Variants in LIMCH1 observed in about 807,000 individuals in gnomAD.
The protein encoded by LIMCH1 is LIM and calponin homology domains-containing protein 1.
Under a neutral mutation model 176.5 loss-of-function variants are expected in LIMCH1, and 113 were observed. That is an observed-to-expected ratio of 0.64 (90% CI 0.55 to 0.75). The LOEUF is 0.75. LIMCH1 is among the 30% of genes least tolerant of loss of function. The probability of loss-of-function intolerance (pLI) is 0.00; values close to 1 mark genes in which losing one functional copy is unlikely to be tolerated. For missense variants in LIMCH1, 1,674 were observed against 1,814.9 expected (o/e 0.92, Z 1.41); for synonymous variants, 619 against 645.9 (o/e 0.96, Z 0.63).
chr4:41,460,478 A>ATATATATATATATATATATC (rs1410622782), intron 1 of LIMCH1, among the ~76,000 whole-genome samples: 10 of 145,072 alleles, frequency 6.9e-5, no homozygotes, highest in African/African-American at 2.3e-4. Context: ...ATATATATAT[A>ATATATATATATATATATATC]TCTTATAATA....
chr4:41,681,140 A>G, intron 25 of LIMCH1, 81 bp downstream of exon 25: 2 of 786,272 alleles, frequency 2.5e-6, no homozygotes, highest in Non-Finnish European at 4.3e-6. Context: ...AGGTTACCGA[A>G]CAGACTCACT....
chr4:41,462,802 C>T (rs2065563545), intron 1 of LIMCH1, among the ~76,000 whole-genome samples: 1 of 151,956 alleles, frequency 6.6e-6, no homozygotes, highest in Admixed American at 6.6e-5. Flanking sequence ...GGCTTTTTTT[C>T]CCCCAAAAGT....
chr4:41,519,328 T>A (rs1198445684), intron 2 of LIMCH1, among the ~76,000 whole-genome samples: 1 of 152,194 alleles, frequency 6.6e-6, no homozygotes, highest in East Asian at 1.9e-4. Flanking sequence ...ACGCAATAAA[T>A]GCTTGTTGAG....
intron 1 of LIMCH1, among the ~76,000 whole-genome samples, chr4:41,428,445 T>C (rs2061313666): frequency 6.6e-6 from 1 of 152,008 alleles, no homozygotes; most frequent in Non-Finnish European, 1.5e-5. Flanking sequence ...CAGAAGAGAT[T>C]AGTGTTAAGC....
At position 41,644,484 on chromosome 4, in the gene LIMCH1, C is replaced by T; in HGVS notation, c.2127-16C>T. The T allele has an allele frequency of 6.6e-7, 1 of 1,521,186 alleles. No homozygotes were observed. The highest frequency in any genetic ancestry group is 8.8e-7 in the Non-Finnish European group (1 of 1,130,510). 94.2% of individuals were successfully genotyped at this position (1,521,186 alleles called of 1,614,324 possible). On this transcript the variant is annotated splice_polypyrimidine_tract_variant and intron_variant, in intron 14 of 31. Coordinates refer to ENST00000503057, the MANE Select transcript of LIMCH1 (RefSeq NM_001330672.2). ...CTGATCGCGGTCCCTCTTGTGTTCG[C>T]TCTCTCCACACTCAGGAGCACCAGC...
In LIMCH1 at chr4:41,574,581, G is replaced by A. The variant is rs561182046; in HGVS notation, c.-240-24339G>A. On this transcript the variant is annotated intron_variant, in intron 1 of 31. Coordinates refer to ENST00000503057, the MANE Select transcript of LIMCH1 (RefSeq NM_001330672.2). ...TGGGACTACAGGCATGAGCCACTGT[G>A]CCCATCTCTTTTCATATTTTAGGAT... is the stretch of plus-strand genomic sequence containing the variant. Among the ~76,000 whole-genome samples the A allele has an allele frequency of 5.3e-5, 8 of 152,090 alleles. No individual in the cohort carries two copies. The South Asian group carries it at 1.5e-3, about 28-fold the overall frequency.
At chr4:41,362,739 A>G (rs915543710) in intron 1 of LIMCH1, among the ~76,000 whole-genome samples, 2 of 152,236 alleles carry the variant, frequency 1.3e-5, no homozygotes, top group African/African-American at 4.8e-5. Context: ...TCAAGATACA[A>G]AATGTCTCCT....
At chr4:41,383,127 A>T (rs753695625) in intron 1 of LIMCH1, among the ~76,000 whole-genome samples, 11 of 152,194 alleles carry the variant, frequency 7.2e-5, no homozygotes, top group Admixed American at 2.6e-4. Context: ...TCCATCTTAT[A>T]TTTGAACTAA....
At chr4:41,513,724 G>C in intron 2 of LIMCH1, among the ~76,000 whole-genome samples, 1 of 152,020 alleles carries the variant, frequency 6.6e-6, no homozygotes, top group East Asian at 1.9e-4. Flanking sequence ...TGATTAATGG[G>C]CCAGGCATGG....
At chr4:41,446,476 A>G (rs1343759887) in intron 1 of LIMCH1, among the ~76,000 whole-genome samples, 1 of 152,236 alleles carries the variant, frequency 6.6e-6, no homozygotes, top group Non-Finnish European at 1.5e-5. Flanking sequence ...TGTTCACAGG[A>G]CAGATGGGAA....
At chr4:41,611,082 A>G (rs2091358050) in intron 4 of LIMCH1, among the ~76,000 whole-genome samples, 2 of 152,210 alleles carry the variant, frequency 1.3e-5, no homozygotes, top group Non-Finnish European at 2.9e-5. Context: ...TCAAATCCTG[A>G]AAGCTTTTGG....
intron 1 of LIMCH1, among the ~76,000 whole-genome samples, chr4:41,392,722 A>G (rs978648802): frequency 6.6e-6 from 1 of 152,118 alleles, no homozygotes; most frequent in Non-Finnish European, 1.5e-5. Context: ...TGGAAGGCTA[A>G]ACTCTCCACA....
chr4:41,518,605 T>A (rs1423421448), intron 2 of LIMCH1, among the ~76,000 whole-genome samples: 1 of 152,204 alleles, frequency 6.6e-6, no homozygotes, highest in East Asian at 1.9e-4. Flanking sequence ...CTGAGATACA[T>A]GTGCAGAACG....
intron 2 of LIMCH1, among the ~76,000 whole-genome samples, chr4:41,602,958 G>A (rs1185228037): frequency 6.6e-6 from 1 of 151,964 alleles, no homozygotes; most frequent in Non-Finnish European, 1.5e-5. Flanking sequence ...CTTGTTGATG[G>A]GTTTATTTCC....
At chr4:41,440,375 T>C (rs2062573166) in intron 1 of LIMCH1, among the ~76,000 whole-genome samples, 1 of 152,158 alleles carries the variant, frequency 6.6e-6, no homozygotes, top group Non-Finnish European at 1.5e-5. Context: ...CTGTCAGAAG[T>C]GTGAATACTG....
At chr4:41,682,260 C>T (rs2153048657) in intron 25 of LIMCH1, 73 bp from the exon 26 acceptor site, 1 of 1,115,226 alleles carries the variant, frequency 9.0e-7, no homozygotes, top group Non-Finnish European at 1.2e-6. Flanking sequence ...CTTCAAATAT[C>T]CCTGGCCAGA....
At chr4:41,501,213 A>G (rs1400904701) in intron 2 of LIMCH1, among the ~76,000 whole-genome samples, 1 of 152,216 alleles carries the variant, frequency 6.6e-6, no homozygotes. Context: ...TAAGTTAGTT[A>G]TAGTAAAGAT....
intron 1 of LIMCH1, among the ~76,000 whole-genome samples, chr4:41,430,898 T>TC (rs199508910): frequency 0.017 from 2,575 of 152,260 alleles, 66 homozygotes; most frequent in African/African-American, 0.059. Context: ...GTTTTTTTTT[T>TC]CTATGTGTCT....
At chr4:41,506,449 A>C (rs2074171616) in intron 2 of LIMCH1, among the ~76,000 whole-genome samples, 1 of 152,208 alleles carries the variant, frequency 6.6e-6, no homozygotes, top group Non-Finnish European at 1.5e-5. Flanking sequence ...CATGTGCTGC[A>C]TAGCACCAAA....
Sources: gnomAD v4.1 joint callset for allele counts (sites outside exome capture counted in the v4.1 genomes callset) on GRCh38, gnomAD v4.1.1 for gene constraint, MANE v1.5 for transcripts, NCBI Gene and HGNC (gene_info 2026-07-23, HGNC 2026-07-21) for gene names.